BBS9: variants seen among roughly 807,000 people sequenced by gnomAD.
BBS9 encodes the protein Bardet-Biedl syndrome 9.
BBS9 carries 89 observed loss-of-function variants against 117.7 expected under a neutral mutation model. The ratio of observed to expected loss-of-function variants is 0.76; its 90% CI spans 0.64 to 0.90. BBS9 has a LOEUF of 0.90. Ranked by LOEUF, BBS9 falls within the 40% of genes least tolerant of loss-of-function variation. The pLI is 0.00. For synonymous variants in BBS9, 379 were observed against 370.9 expected, an observed-to-expected ratio of 1.02 and a Z score of -0.25; for missense variants, 982 against 1,042.2, an observed-to-expected ratio of 0.94 and a Z score of 0.80.
At chr7:33,140,111 C>T (rs1405874405) in intron 1 of BBS9, among the ~76,000 whole-genome samples, 2 of 152,192 alleles carry the variant, frequency 1.3e-5, no homozygotes, top group Admixed American at 6.5e-5. Flanking sequence ...CTGCAAGCTC[C>T]ACCTCCTGGT....
intron 5 of BBS9, among the ~76,000 whole-genome samples, chr7:33,227,106 G>C (rs1269264895): frequency 4.0e-5 from 6 of 151,836 alleles, no homozygotes; most frequent in African/African-American, 1.5e-4. Context: ...ATTTCAAAAA[G>C]CTGTGTCAAG....
At chr7:33,611,981 C>G (rs890815146) in intron 21 of BBS9, among the ~76,000 whole-genome samples, 1 of 151,008 alleles carries the variant, frequency 6.6e-6, no homozygotes, top group Non-Finnish European at 1.5e-5. Flanking sequence ...ATTTGAGTCC[C>G]TCCCATCAGT....
intron 21 of BBS9, among the ~76,000 whole-genome samples, chr7:33,601,352 C>T (rs1376626620): frequency 1.3e-5 from 2 of 152,024 alleles, no homozygotes; most frequent in Non-Finnish European, 2.9e-5. Flanking sequence ...TTTTCTTCCC[C>T]TTCTCCTTTT....
chr7:33,187,216 A>T (rs1783272759), intron 5 of BBS9, among the ~76,000 whole-genome samples: 1 of 152,260 alleles, frequency 6.6e-6, no homozygotes, highest in South Asian at 2.1e-4. Context: ...TAAGGTCAAC[A>T]GCTGCATATA....
intron 5 of BBS9, among the ~76,000 whole-genome samples, chr7:33,225,351 C>T (rs1791050816): frequency 6.6e-6 from 1 of 152,070 alleles, no homozygotes; most frequent in African/African-American, 2.4e-5. Flanking sequence ...GTACCTGCTA[C>T]CATGCCTAAC....
chr7:33,246,754 A>G (rs770875028), intron 5 of BBS9, among the ~76,000 whole-genome samples: 23 of 152,066 alleles, frequency 1.5e-4, no homozygotes, highest in South Asian at 1.2e-3. Flanking sequence ...CTGTAAGAAA[A>G]TATCAATATT....
chr7:33,477,366 C>T (rs949303458), intron 19 of BBS9, among the ~76,000 whole-genome samples: 4 of 152,074 alleles, frequency 2.6e-5, no homozygotes, highest in African/African-American at 4.8e-5. Flanking sequence ...TGAAAATGTA[C>T]GTCAAAGAGA....
chr7:33,221,261 C>T lies in BBS9; in HGVS notation c.443-35975C>T, dbSNP rs748540224. Among the ~76,000 whole-genome samples the T allele has an allele frequency of 2.0e-5, 3 of 152,114 alleles. No homozygotes were observed. In the South Asian group the frequency reaches 6.2e-4, roughly 32 times the overall value. ...ACATTTCTTTCTTGAGATCAGAGAT[C>T]ATATTTTATTCATGTTTTTAATCTC... On this transcript the variant is annotated intron_variant, in intron 5 of 22. Coordinates refer to ENST00000242067, the MANE Select transcript of BBS9 (RefSeq NM_198428.3).
chr7:33,237,774 G>C (rs896325227), intron 5 of BBS9, among the ~76,000 whole-genome samples: 2 of 152,162 alleles, frequency 1.3e-5, no homozygotes, highest in African/African-American at 4.8e-5. Flanking sequence ...AATTGATAAA[G>C]ATTCAGGAGT....
chr7:33,541,708 T>C (rs1259929468), intron 21 of BBS9, among the ~76,000 whole-genome samples: 1 of 152,192 alleles, frequency 6.6e-6, no homozygotes, highest in African/African-American at 2.4e-5. Context: ...AAAGACCTCA[T>C]ATTATTATAA....
At chr7:33,415,053 T>A (rs1831765142) in intron 19 of BBS9, among the ~76,000 whole-genome samples, 1 of 152,180 alleles carries the variant, frequency 6.6e-6, no homozygotes, top group Admixed American at 6.5e-5. Context: ...TTGATGGTTG[T>A]AGAGGCTCTA....
intron 19 of BBS9, among the ~76,000 whole-genome samples, chr7:33,485,814 A>G (rs759932226): frequency 1.3e-5 from 2 of 152,216 alleles, no homozygotes; most frequent in Non-Finnish European, 2.9e-5. Context: ...TAAGAAGGCT[A>G]TTGGATCACT....
At chr7:33,486,899 C>T (rs1843189938) in intron 19 of BBS9, among the ~76,000 whole-genome samples, 1 of 152,214 alleles carries the variant, frequency 6.6e-6, no homozygotes, top group Non-Finnish European at 1.5e-5. Context: ...AAACATAATT[C>T]ATTGTCCTAG....
intron 19 of BBS9, among the ~76,000 whole-genome samples, chr7:33,502,749 C>A (rs1325482377): frequency 6.6e-6 from 1 of 152,106 alleles, no homozygotes; most frequent in Admixed American, 6.6e-5. Flanking sequence ...TCTGAACCTA[C>A]AACATGCTTA....
chr7:33,146,189 A>G (rs1562671925), intron 1 of BBS9, 53 bp from the exon 2 acceptor site: 7 of 1,242,302 alleles, frequency 5.6e-6, no homozygotes, highest in Admixed American at 1.7e-5. Context: ...GCCTTAAGAC[A>G]TAATTATTAG....
In BBS9 at chr7:33,208,091, G is replaced by A. The variant is rs1787300619; in HGVS notation, c.442+30500G>A. On this transcript the variant is annotated intron_variant, in intron 5 of 22. Coordinates refer to ENST00000242067, the MANE Select transcript of BBS9 (RefSeq NM_198428.3). ...CCCAAAGTGCTGGGATTACAGTTGT[G>A]AGCCACCATGCCCAGCCCATAGAAA... 4.6e-5 allele frequency among the ~76,000 whole-genome samples: 7 copies of A among 152,272 alleles called. No individual in the cohort carries two copies. The South Asian group carries it at 1.5e-3, about 32-fold the overall frequency.
intron 5 of BBS9, among the ~76,000 whole-genome samples, chr7:33,207,521 C>G (rs1787150768): frequency 6.7e-6 from 1 of 150,136 alleles, no homozygotes; most frequent in African/African-American, 2.4e-5. Flanking sequence ...CTCCTGTGTC[C>G]TTGTGACATG....
intron 4 of BBS9, among the ~76,000 whole-genome samples, chr7:33,171,441 T>G (rs1271906724): frequency 1.3e-5 from 2 of 152,250 alleles, no homozygotes; most frequent in African/African-American, 4.8e-5. Flanking sequence ...GTTTATACAC[T>G]ATGTATACAA....
chr7:33,316,762 T>C (rs1319834287), intron 9 of BBS9, among the ~76,000 whole-genome samples: 1 of 152,216 alleles, frequency 6.6e-6, no homozygotes, highest in South Asian at 2.1e-4. Flanking sequence ...GTTCTTTATA[T>C]AGAAGGACGC....
Sources: gnomAD v4.1 joint callset for allele counts (sites outside exome capture counted in the v4.1 genomes callset) on GRCh38, gnomAD v4.1.1 for gene constraint, MANE v1.5 for transcripts, NCBI Gene and HGNC (gene_info 2026-07-23, HGNC 2026-07-21) for gene names.